TERF2: variants seen among roughly 807,000 people sequenced by gnomAD.
TERF2 encodes the protein telomeric repeat binding factor 2.
In TERF2, 16 loss-of-function variants were observed where a neutral mutation model predicts 56.1. That is an observed-to-expected ratio of 0.29 (90% confidence interval 0.19 to 0.43). The LOEUF (loss-of-function observed/expected upper bound fraction) is 0.43. Ranked by LOEUF, TERF2 falls within the 20% of genes least tolerant of loss-of-function variation. TERF2 has a pLI of 1.00. For missense variants in TERF2, 547 were observed against 712.9 expected, an observed-to-expected ratio of 0.77 and a Z score of 2.65; for synonymous variants, 296 against 282.1, an observed-to-expected ratio of 1.05 and a Z score of -0.50.
intron 6 of TERF2, among the ~76,000 whole-genome samples, chr16:69,367,958 G>A (rs2013412120): frequency 1.3e-5 from 2 of 152,178 alleles, no homozygotes; most frequent in Admixed American, 6.5e-5. Context: ...CTCAGCCTAG[G>A]TCCACTTTGT....
chr16:69,359,810 A>G (rs2013063039), intron 8 of TERF2, among the ~76,000 whole-genome samples: 1 of 151,332 alleles, frequency 6.6e-6, no homozygotes, highest in South Asian at 2.1e-4. Context: ...TAGTAGAGAC[A>G]GGGTTTCACC....
rs543521301 is a variant in TERF2 at position 69,356,843 on chromosome 16, G to A, written c.*55C>T. 3.3e-6 allele frequency: 5 copies of A among 1,516,916 alleles called. No individual in the cohort carries two copies. In the Admixed American group the frequency reaches 6.6e-5, roughly 20 times the overall value. The allele number at this position is 1,516,916 out of a possible 1,614,324, so 94.0% of individuals were successfully genotyped here. On this transcript the variant is annotated 3_prime_UTR_variant, in exon 10 of 10. Transcript: ENST00000254942. ...AAAAGAAAGAAAGAGCAGACTATCA[G>A]GGGCTATTATTAGGAACCATGCTCC...
intron 3 of TERF2, among the ~76,000 whole-genome samples, chr16:69,381,830 G>A (rs2014010758): frequency 6.6e-6 from 1 of 152,042 alleles, no homozygotes; most frequent in African/African-American, 2.4e-5. Flanking sequence ...TTTACTCAAG[G>A]CTCTAGAGTT....
At chr16:69,368,642 T>C (rs1444480150) in intron 5 of TERF2, 160 bp from the exon 6 acceptor site, 2 of 1,521,878 alleles carry the variant, frequency 1.3e-6, no homozygotes, top group African/African-American at 2.8e-5. Context: ...CTTGTAAGAC[T>C]TATAAATCAA....
chr16:69,379,073 T>C (rs1298168209), intron 3 of TERF2, among the ~76,000 whole-genome samples: 1 of 152,146 alleles, frequency 6.6e-6, no homozygotes, highest in Non-Finnish European at 1.5e-5. Flanking sequence ...ATCAATGGTC[T>C]CTGGATAAGT....
intron 2 of TERF2, 105 bp downstream of exon 2, chr16:69,385,286 T>C: frequency 5.1e-6 from 5 of 984,252 alleles, no homozygotes; most frequent in Admixed American, 2.0e-5. Context: ...ACCACTCTGA[T>C]GGAAACTATC....
In TERF2 at chr16:69,356,084, G is replaced by A; in HGVS notation, c.*814C>T. On this transcript the variant is annotated 3_prime_UTR_variant, in exon 10 of 10. Coordinates refer to ENST00000254942, the MANE Select transcript of TERF2 (RefSeq NM_005652.5). ...CACGACTGGCTAAAGAGTTTTTAAA[G>A]GGAATCTTATTCCACAAGGACTGGT... The A allele has an allele frequency of 2.6e-6, 1 of 386,660 alleles. No homozygotes were observed. Among genetic ancestry groups the A allele is most frequent in the South Asian group, 1.9e-5 (1 of 51,432 alleles). The allele number at this position is 386,660 out of a possible 1,614,324, so 24.0% of individuals were successfully genotyped here. A position where few individuals can be genotyped will look rare whatever the true frequency, so the allele number is the denominator to read the frequency against.
In TERF2 at chr16:69,368,230, G is replaced by GTC; in HGVS notation, c.947+144_947+145dup. On this transcript the variant is annotated intron_variant, in intron 6 of 9. Transcript: ENST00000254942. ...TTTCCTTATCTTCCCAGGGTGTGCA[G>GTC]TCTCCCCCAGTGCCTTGTATGAGTA... 1.9e-5 allele frequency: 13 copies of GTC among 695,104 alleles called. No homozygotes were observed. The South Asian group carries it at 2.3e-4, about 12-fold the overall frequency. 43.1% of individuals were successfully genotyped at this position (695,104 alleles called of 1,614,324 possible).
At chr16:69,357,377 T>C in intron 9 of TERF2, 141 bp downstream of exon 9, 1 of 714,876 alleles carries the variant, frequency 1.4e-6, no homozygotes, top group South Asian at 2.0e-5. Context: ...ATTATTACTT[T>C]AACTTAGTTT....
At position 69,385,646 on chromosome 16, in the gene TERF2, G is replaced by A. The variant is rs748277244; in HGVS notation, c.326C>T (p.Ala109Val). The change falls in exon 1 of 10, where the codon GCC becomes GTC. Residue 109 changes from alanine (A) to valine (V), a missense_variant. Around this residue, in one of 6 missense-constraint regions of TERF2, gnomAD observed 120 missense variants for 172.4 expected, o/e 0.70. Transcript: ENST00000254942. Reference protein sequence around the residue: ...LKFYFHEALRAFRGSRYGDFR... With the variant: ...LKFYFHEALRVFRGSRYGDFR... ...GTCCCCGTACCGGCTACCCCGAAAGGCCCGCAGCGCCTCGTGGAAGTAGAA... is the reference window on the plus strand; with the variant it reads ...GTCCCCGTACCGGCTACCCCGAAAGACCCGCAGCGCCTCGTGGAAGTAGAA... The A allele has an allele frequency of 1.2e-6, 2 of 1,611,466 alleles. No homozygotes were observed. The highest frequency in any genetic ancestry group is 8.5e-7 in the Non-Finnish European group (1 of 1,179,486).
intron 7 of TERF2, among the ~76,000 whole-genome samples, chr16:69,364,533 G>A (rs1336446791): frequency 6.6e-6 from 1 of 151,682 alleles, no homozygotes; most frequent in East Asian, 1.9e-4. Flanking sequence ...CCCAGGCCTG[G>A]CCCATCTAGC....
At chr16:69,368,724 T>G (rs1007348935) in intron 5 of TERF2, 63 of 884,704 alleles carry the variant, frequency 7.1e-5, no homozygotes, top group Middle Eastern at 3.9e-4. Flanking sequence ...TCGCCCAGGC[T>G]GCAGCACAGT....
intron 3 of TERF2, among the ~76,000 whole-genome samples, chr16:69,379,693 TTTA>T (rs1337055921): frequency 2.0e-5 from 3 of 152,188 alleles, no homozygotes; most frequent in Non-Finnish European, 2.9e-5. Context: ...ATTTTAAATA[TTTA>T]TTAATTCATT....
chr16:69,370,199 T>G, intron 5 of TERF2: 1 of 399,042 alleles, frequency 2.5e-6, no homozygotes, highest in Non-Finnish European at 4.5e-6. Flanking sequence ...CCCAGCTAAT[T>G]TTTATATTTT....
At chr16:69,358,084 C>T (rs1160737683) in intron 8 of TERF2, among the ~76,000 whole-genome samples, 2 of 151,972 alleles carry the variant, frequency 1.3e-5, no homozygotes, top group African/African-American at 4.8e-5. Flanking sequence ...GCGATCTCGG[C>T]TCACTGCAAG....
chr16:69,364,290 G>A (rs1229222648), intron 7 of TERF2, among the ~76,000 whole-genome samples: 1 of 152,092 alleles, frequency 6.6e-6, no homozygotes, highest in Non-Finnish European at 1.5e-5. Context: ...GCGGTCTCCA[G>A]TCTCCAGCCT....
At chr16:69,371,475 C>T (rs192001935) in intron 4 of TERF2, among the ~76,000 whole-genome samples, 6 of 138,064 alleles carry the variant, frequency 4.3e-5, no homozygotes, top group East Asian at 4.2e-4. Flanking sequence ...TACTCCAGCC[C>T]GGGCAACAGA....
At position 69,384,640 on chromosome 16, in the gene TERF2, T is replaced by C. The variant is rs1567457750; in HGVS notation, c.546A>G (p.Lys182=). 1 of 1,614,174 alleles carries C rather than the reference T, an allele frequency of 6.2e-7. No homozygotes were observed. Among genetic ancestry groups the C allele is most frequent in the Middle Eastern group, 1.6e-4 (1 of 6,062 alleles). The change falls in exon 3 of 10, where the codon AAA becomes AAG. Residue 182 remains lysine (K), a synonymous_variant. Transcript: ENST00000254942. ...CTGCTTCTGTCAGTGTAAATTCCGT[T>C]TTAATCATCTCCAGCACATTGATAG... ...ESAINVLEMI[K]TEFTLTEAVV...
chr16:69,368,932 T>A (rs981474921), intron 5 of TERF2, among the ~76,000 whole-genome samples: 1 of 152,186 alleles, frequency 6.6e-6, no homozygotes, highest in Non-Finnish European at 1.5e-5. Flanking sequence ...CGCATCAGCC[T>A]CCCATAGTGC....
Sources: gnomAD v4.1 joint callset for allele counts (sites outside exome capture counted in the v4.1 genomes callset) on GRCh38, gnomAD v4.1.1 for gene constraint, gnomAD v4.1.1 regional missense constraint, MANE v1.5 for transcripts, NCBI Gene and HGNC (gene_info 2026-07-23, HGNC 2026-07-21) for gene names.